CA13: variants seen among roughly 807,000 people sequenced by gnomAD.
The protein encoded by CA13 is CA-XIII.
Under a neutral mutation model 31.5 loss-of-function variants are expected in CA13, and 21 were observed. The observed-to-expected ratio is 0.67, with a 90% CI of 0.47 to 0.96. The LOEUF is 0.96. Ranked by LOEUF, CA13 falls within the 40% of genes least tolerant of loss-of-function variation. CA13 has a pLI of 0.00. For synonymous variants in CA13, 117 were observed against 111.4 expected, an observed-to-expected ratio of 1.05 and a Z score of -0.32; for missense variants, 315 against 318.9, an observed-to-expected ratio of 0.99 and a Z score of 0.09.
At chr8:85,264,287 T>C (rs1395305315) in intron 3 of CA13, among the ~76,000 whole-genome samples, 5 of 152,222 alleles carry the variant, frequency 3.3e-5, no homozygotes, top group Middle Eastern at 3.2e-3. Context: ...ACCACTAATA[T>C]GGAATTTGAA....
chr8:85,258,759 CAAAAAAAAA>C (rs33933991), intron 2 of CA13, among the ~76,000 whole-genome samples: 5 of 43,480 alleles, frequency 1.1e-4, no homozygotes, highest in East Asian at 1.2e-3. Flanking sequence ...CCTGTCTCTA[CAAAAAAAAA>C]AAAAAAAAAA....
At chr8:85,277,517 C>T (rs575164051) in intron 6 of CA13, among the ~76,000 whole-genome samples, 11 of 152,294 alleles carry the variant, frequency 7.2e-5, no homozygotes, top group Admixed American at 6.5e-4. Flanking sequence ...CAGCTTCATT[C>T]TTGAAGTCAG....
At chr8:85,268,697 A>C in intron 6 of CA13, 70 bp downstream of exon 6, 1 of 1,253,860 alleles carries the variant, frequency 8.0e-7, no homozygotes. Flanking sequence ...TTTTTTTTCA[A>C]CCCTGCCCTT....
At chr8:85,278,700 G>A (rs1334878305) in intron 6 of CA13, among the ~76,000 whole-genome samples, 1 of 152,166 alleles carries the variant, frequency 6.6e-6, no homozygotes, top group African/African-American at 2.4e-5. Flanking sequence ...GTTGAAGCTA[G>A]GTCATGGATG....
rs1247323493 is a variant in CA13 at position 85,282,449 on chromosome 8, G to T, written c.*1100G>T. 1 of 152,608 alleles carries T rather than the reference G, an allele frequency of 6.6e-6. No individual in the cohort carries two copies. The highest frequency in any genetic ancestry group is 1.9e-4 in the East Asian group (1 of 5,200). The allele number at this position is 152,608 out of a possible 1,614,324, so 9.5% of individuals were successfully genotyped here. On this transcript the variant is annotated 3_prime_UTR_variant, in exon 7 of 7. Coordinates refer to ENST00000321764, the MANE Select transcript of CA13 (RefSeq NM_198584.3). ...AACTAACATATGACATAGTACCAGT[G>T]CAGTCAGAGCTGCCCTTAGGCATGA... is the stretch of plus-strand genomic sequence containing the variant.
At chr8:85,262,391 C>G (rs1330024124) in intron 3 of CA13, among the ~76,000 whole-genome samples, 2 of 152,042 alleles carry the variant, frequency 1.3e-5, no homozygotes, top group South Asian at 2.1e-4. Context: ...GGGGAGGGAA[C>G]TAGGTCAAGT....
chr8:85,259,577 C>T, intron 3 of CA13, 38 bp downstream of exon 3: 1 of 1,553,486 alleles, frequency 6.4e-7, no homozygotes, highest in East Asian at 2.3e-5. Flanking sequence ...ACAGTTTTCC[C>T]ACATGGTGGA....
At chr8:85,274,962 G>C (rs1422619210) in intron 6 of CA13, among the ~76,000 whole-genome samples, 1 of 152,154 alleles carries the variant, frequency 6.6e-6, no homozygotes, top group Non-Finnish European at 1.5e-5. Context: ...AGCTTTAATT[G>C]TGCCTAGGAA....
chr8:85,278,435 G>A (rs375444095), intron 6 of CA13, among the ~76,000 whole-genome samples: 4 of 152,206 alleles, frequency 2.6e-5, no homozygotes, highest in South Asian at 2.1e-4. Context: ...TGAGACATGC[G>A]TGTGGACATA....
chr8:85,262,875 A>ATCCAT (rs1205054803), intron 3 of CA13, among the ~76,000 whole-genome samples: 2 of 151,984 alleles, frequency 1.3e-5, no homozygotes, highest in East Asian at 1.9e-4. Context: ...TTCTAGGTTG[A>ATCCAT]GATAGGAAAT....
In CA13 at chr8:85,245,743, G is replaced by C; in HGVS notation, c.-86G>C. 2 of 1,510,768 alleles carry C rather than the reference G, an allele frequency of 1.3e-6. No individual in the cohort carries two copies. Among genetic ancestry groups the C allele is most frequent in the South Asian group, 2.3e-5 (2 of 88,686 alleles). The allele number at this position is 1,510,768 out of a possible 1,614,324, so 93.6% of individuals were successfully genotyped here. A position where few individuals can be genotyped will look rare whatever the true frequency, so the allele number is the denominator to read the frequency against. On this transcript the variant is annotated 5_prime_UTR_variant, in exon 1 of 7. Transcript: ENST00000321764. ...GCCGGCGCCCCGCGGTCCCGCCCTA[G>C]CAGGCTCCTTCCCGGGCCCCTCCCC...
At chr8:85,250,609 T>C in intron 1 of CA13, 131 bp from the exon 2 acceptor site, 2 of 611,374 alleles carry the variant, frequency 3.3e-6, no homozygotes, top group Non-Finnish European at 5.7e-6. Context: ...GCCAAGGTCC[T>C]GAGGACGAGA....
chr8:85,267,630 T>C (rs1260278587), intron 4 of CA13, among the ~76,000 whole-genome samples: 2 of 152,184 alleles, frequency 1.3e-5, no homozygotes, highest in Non-Finnish European at 2.9e-5. Context: ...TAAACACTGA[T>C]AAAACTTAAC....
intron 6 of CA13, among the ~76,000 whole-genome samples, 154 bp from the exon 7 acceptor site, chr8:85,281,076 A>C (rs546814525): frequency 2.6e-5 from 4 of 152,210 alleles, no homozygotes; most frequent in Non-Finnish European, 4.4e-5. Flanking sequence ...AGAATTTAGC[A>C]AAAGAGTTGC....
chr8:85,255,112 C>CT (rs910198899), intron 2 of CA13, among the ~76,000 whole-genome samples: 14 of 150,626 alleles, frequency 9.3e-5, no homozygotes, highest in East Asian at 1.9e-4. Flanking sequence ...CCTTCTTCTT[C>CT]TCTCTCTCTC....
intron 1 of CA13, among the ~76,000 whole-genome samples, chr8:85,248,660 C>T (rs1050638751): frequency 1.3e-5 from 2 of 151,974 alleles, no homozygotes; most frequent in Non-Finnish European, 2.9e-5. Context: ...AGGCAGGGTA[C>T]TGAACTGACT....
chr8:85,259,350 G>C (rs1052779162), intron 2 of CA13, 71 bp from the exon 3 acceptor site: 47 of 1,182,836 alleles, frequency 4.0e-5, no homozygotes, highest in Non-Finnish European at 5.7e-5. Context: ...AATTCAGGGA[G>C]ATGTTGTGGT....
Position 85,268,517 on chromosome 8 carries a change from C to T in CA13, c.559C>T (p.Pro187Ser). 6.2e-7 allele frequency: 1 copy of T among 1,614,060 alleles called. No homozygotes were observed. Among genetic ancestry groups the T allele is most frequent in the Non-Finnish European group, 8.5e-7 (1 of 1,179,954 alleles). The change falls in exon 6 of 7, where the codon CCA becomes TCA. Residue 187 changes from proline (P) to serine (S), a missense_variant. Pro to Ser is a moderately conservative substitution (Grantham distance 74). Transcript: ENST00000321764. The stretch of plus-strand genomic sequence containing the variant: ...AAATTTTGACCTATTGTCTCTGCTT[C>T]CACCATCCTGGGACTACTGGACATA... ...FTNFDLLSLL[P>S]PSWDYWTYPG...
At chr8:85,249,301 C>G (rs1286946116) in intron 1 of CA13, among the ~76,000 whole-genome samples, 1 of 152,002 alleles carries the variant, frequency 6.6e-6, no homozygotes, top group Non-Finnish European at 1.5e-5. Flanking sequence ...GAGTTTGAGA[C>G]CAGCCTGTAG....
Sources: allele counts gnomAD v4.1 joint callset (sites outside exome capture counted in the v4.1 genomes callset), GRCh38; gene constraint gnomAD v4.1.1; transcripts MANE v1.5; gene names NCBI Gene and HGNC (gene_info 2026-07-23, HGNC 2026-07-21).